The following CDH8 variants were observed in gnomAD, a reference collection of about 807,000 sequenced individuals.
CDH8 encodes cadherin-8.
CDH8 carries 17 observed loss-of-function variants against 68.1 expected under a neutral mutation model. That is an observed-to-expected ratio of 0.25 (90% CI 0.17 to 0.37). CDH8 has a LOEUF of 0.37. Ranked by LOEUF, CDH8 falls within the 10% of genes least tolerant of loss-of-function variation. The pLI, the probability that CDH8 is intolerant of heterozygous loss-of-function variation, is 1.00. For synonymous variants in CDH8, 372 were observed against 365.1 expected, an observed-to-expected ratio of 1.02 and a Z score of -0.21; for missense variants, 763 against 999.3, an observed-to-expected ratio of 0.76 and a Z score of 3.19.
rs546472241 is a variant in CDH8, at chr16:61,820,969, G to T, written c.980C>A (p.Thr327Asn). Residue 327 changes from threonine to asparagine, a missense_variant, in exon 6 of 12, where the codon ACT becomes AAT. Transcript: ENST00000577390. Reference sequence around the variant, plus strand: ...GCCATCCTGGGCCTGGGCATCAGAAGTGATTTCAAAAAGTGCTGTTCCATC... The same window carrying T: ...GCCATCCTGGGCCTGGGCATCAGAATTGATTTCAAAAAGTGCTGTTCCATC... ...DGDGTALFEI[T>N]SDAQAQDGII... The T allele has an allele frequency of 1.2e-6, 2 of 1,612,720 alleles. No individual in the cohort carries two copies.
chr16:61,934,302 A>G (rs887757275), intron 2 of CDH8: 4 of 151,942 alleles, frequency 2.6e-5, no homozygotes, highest in Non-Finnish European at 4.4e-5. Context: ...GCCCACCTTC[A>G]AGCCTTCCCT....
At chr16:61,974,240 A>C (rs916683245) in intron 2 of CDH8, among the ~76,000 whole-genome samples, 4 of 152,230 alleles carry the variant, frequency 2.6e-5, no homozygotes, top group Non-Finnish European at 5.9e-5. Flanking sequence ...AAGGCATATG[A>C]TGAGTTTCAG....
At chr16:61,850,443 T>C (rs943805495) in intron 4 of CDH8, among the ~76,000 whole-genome samples, 3 of 151,832 alleles carry the variant, frequency 2.0e-5, no homozygotes, top group African/African-American at 2.4e-5. Context: ...GGACAAAAAA[T>C]AATAATAAAA....
chr16:61,658,330 A>C (rs1283049487), intron 10 of CDH8, among the ~76,000 whole-genome samples: 1 of 151,928 alleles, frequency 6.6e-6, no homozygotes, highest in Non-Finnish European at 1.5e-5. Flanking sequence ...ATTTCATTTA[A>C]ATTTTTGAAT....
chr16:61,723,561 T>C (rs1219088589), intron 9 of CDH8, among the ~76,000 whole-genome samples: 2 of 150,758 alleles, frequency 1.3e-5, no homozygotes, highest in Non-Finnish European at 3.0e-5. Flanking sequence ...AATTCTATCA[T>C]TTACAATTTT....
Position 61,758,256 on chromosome 16 carries a change from C to T in CDH8, c.1415-31041G>A, listed in dbSNP as rs1033630969. ...AGTCATGTAGAAAAAAAGAAAATGC[C>T]CCTAGTGAATTTGATGATTTAATTA... On this transcript the variant is annotated intron_variant, in intron 8 of 11. Transcript: ENST00000577390. Among the ~76,000 whole-genome samples the T allele has an allele frequency of 5.3e-5, 8 of 151,810 alleles. No individual in the cohort carries two copies. In the East Asian group the frequency reaches 1.5e-3, roughly 29 times the overall value.
intron 2 of CDH8, among the ~76,000 whole-genome samples, chr16:62,009,917 T>G (rs1053004671): frequency 6.6e-6 from 1 of 152,234 alleles, no homozygotes; most frequent in Non-Finnish European, 1.5e-5. Flanking sequence ...TTCATCAGCA[T>G]GATCACTTTT....
chr16:61,834,414 T>G (rs1192731433), intron 4 of CDH8, among the ~76,000 whole-genome samples: 1 of 151,910 alleles, frequency 6.6e-6, no homozygotes. Context: ...GCACTACAAT[T>G]AATGCTAGTG....
At chr16:61,775,686 A>G (rs1960883342) in intron 8 of CDH8, among the ~76,000 whole-genome samples, 1 of 152,076 alleles carries the variant, frequency 6.6e-6, no homozygotes, top group Admixed American at 6.6e-5. Context: ...AGGATGAGAG[A>G]CAAGCTGTGT....
chr16:61,724,521 T>C (rs1012881204), intron 9 of CDH8, among the ~76,000 whole-genome samples: 1 of 150,652 alleles, frequency 6.6e-6, no homozygotes, highest in African/African-American at 2.4e-5. Context: ...TCCTTGATTA[T>C]TGCTAATAAT....
At chr16:61,852,903 T>G (rs529260849) in intron 4 of CDH8, among the ~76,000 whole-genome samples, 2,247 of 146,166 alleles carry the variant, frequency 0.015, 28 homozygotes, top group Non-Finnish European at 0.025. Context: ...CCATTCTTCC[T>G]TCCTTCCTTC....
At chr16:61,656,626 T>C (rs1963454037) in intron 10 of CDH8, among the ~76,000 whole-genome samples, 1 of 152,176 alleles carries the variant, frequency 6.6e-6, no homozygotes, top group African/African-American at 2.4e-5. Flanking sequence ...GTAGAGAAGA[T>C]CTATAGTGGT....
chr16:61,659,865 A>G (rs1963522541), intron 10 of CDH8, among the ~76,000 whole-genome samples: 1 of 152,178 alleles, frequency 6.6e-6, no homozygotes, highest in Admixed American at 6.5e-5. Context: ...CTAGGAAACT[A>G]TTCTTTCAAA....
At chr16:62,003,606 A>G (rs1464447034) in intron 2 of CDH8, among the ~76,000 whole-genome samples, 1 of 152,124 alleles carries the variant, frequency 6.6e-6, no homozygotes, top group African/African-American at 2.4e-5. Flanking sequence ...TGTCCTTCCA[A>G]GGGTGGTCCG....
intron 8 of CDH8, among the ~76,000 whole-genome samples, chr16:61,739,915 A>ATATATATAT (rs373723105): frequency 2.7e-5 from 3 of 109,576 alleles, no homozygotes; most frequent in African/African-American, 3.7e-5. Flanking sequence ...ATATATATGT[A>ATATATATAT]TTTTTTTTTT....
At chr16:61,915,349 T>C (rs1487553743) in intron 2 of CDH8, among the ~76,000 whole-genome samples, 1 of 152,220 alleles carries the variant, frequency 6.6e-6, no homozygotes, top group Non-Finnish European at 1.5e-5. Flanking sequence ...TATTATTTCA[T>C]TTAATTATCA....
chr16:61,818,661 C>T (rs1962137627), intron 6 of CDH8, among the ~76,000 whole-genome samples: 1 of 152,164 alleles, frequency 6.6e-6, no homozygotes. Flanking sequence ...TGCATTAGCA[C>T]CTTTATAGCC....
chr16:61,693,841 A>G (rs942982705), intron 10 of CDH8: 6 of 152,120 alleles, frequency 3.9e-5, no homozygotes, highest in African/African-American at 1.2e-4. Flanking sequence ...GCTACTATAT[A>G]TGGACCAACT....
chr16:62,012,374 CAGAA>C (rs1901834397), intron 2 of CDH8, among the ~76,000 whole-genome samples: 1 of 152,116 alleles, frequency 6.6e-6, no homozygotes, highest in Middle Eastern at 3.2e-3. Context: ...TTTAGCAATG[CAGAA>C]AGATTGTAGC....
Sources: gnomAD v4.1 joint callset for allele counts (sites outside exome capture counted in the v4.1 genomes callset) on GRCh38, gnomAD v4.1.1 for gene constraint, MANE v1.5 for transcripts, NCBI Gene and HGNC (gene_info 2026-07-23, HGNC 2026-07-21) for gene names.